The following PBX3 variants were observed in gnomAD, a reference collection of about 807,000 sequenced individuals.
The protein encoded by PBX3 is PBX homeobox 3.
Under a neutral mutation model 48.5 loss-of-function variants are expected in PBX3, and 14 were observed. The observed-to-expected ratio is 0.29, with a 90% CI of 0.19 to 0.45. PBX3 has a LOEUF of 0.45. Among genes scored for constraint, PBX3 ranks in the 20% least tolerant of loss-of-function variants. The pLI is 1.00. For synonymous variants in PBX3, 210 were observed against 200.3 expected (o/e 1.05, Z -0.41); for missense variants, 386 against 546.7 (o/e 0.71, Z 2.93).
intron 2 of PBX3, among the ~76,000 whole-genome samples, chr9:125,884,832 C>G (rs1028250383): frequency 6.6e-6 from 1 of 152,108 alleles, no homozygotes; most frequent in African/African-American, 2.4e-5. Flanking sequence ...CTTCTTTCAT[C>G]ATCTATGGGG....
At chr9:125,749,010 CTTTGTTT>C in intron 2 of PBX3, 1 of 194,830 alleles carries the variant, frequency 5.1e-6, no homozygotes, top group Non-Finnish European at 1.1e-5. Flanking sequence ...ATCGCCCGAA[CTTTGTTT>C]TACTTAGACA....
At chr9:125,876,871 A>G (rs1353191323) in intron 2 of PBX3, among the ~76,000 whole-genome samples, 1 of 142,858 alleles carries the variant, frequency 7.0e-6, no homozygotes, top group African/African-American at 2.6e-5. Flanking sequence ...TGCAACCTCT[A>G]CCTCCCAGGT....
At chr9:125,864,123 A>G (rs1839925662) in intron 2 of PBX3, among the ~76,000 whole-genome samples, 1 of 152,248 alleles carries the variant, frequency 6.6e-6, no homozygotes, top group Non-Finnish European at 1.5e-5. Context: ...AACTTCTCAG[A>G]GCATTTAAAA....
intron 2 of PBX3, among the ~76,000 whole-genome samples, chr9:125,760,667 A>G (rs1034807165): frequency 1.7e-4 from 26 of 152,212 alleles, no homozygotes; most frequent in African/African-American, 6.3e-4. Flanking sequence ...TGAACACAGC[A>G]TGATGGCACA....
chr9:125,878,353 A>G (rs957605609), intron 2 of PBX3, among the ~76,000 whole-genome samples: 5 of 152,234 alleles, frequency 3.3e-5, no homozygotes, highest in African/African-American at 1.2e-4. Flanking sequence ...TGAATAAGAA[A>G]GATGACATTT....
chr9:125,819,457 G>A (rs1465734676), intron 2 of PBX3, among the ~76,000 whole-genome samples: 1 of 151,878 alleles, frequency 6.6e-6, no homozygotes, highest in African/African-American at 2.4e-5. Flanking sequence ...CCCGGGAGGC[G>A]GAGGTTGTGG....
intron 2 of PBX3, among the ~76,000 whole-genome samples, chr9:125,854,656 C>T (rs1839673707): frequency 6.6e-6 from 1 of 152,150 alleles, no homozygotes; most frequent in Non-Finnish European, 1.5e-5. Flanking sequence ...TCAGTTGTCT[C>T]AGATTTTCCA....
chr9:125,922,551 A>G (rs2132489301), intron 3 of PBX3, among the ~76,000 whole-genome samples: 1 of 152,308 alleles, frequency 6.6e-6, no homozygotes, highest in Non-Finnish European at 1.5e-5. Context: ...CACTTGGAAA[A>G]CACAAGGCAA....
chr9:125,773,933 AACC>A, intron 2 of PBX3, among the ~76,000 whole-genome samples: 1 of 152,342 alleles, frequency 6.6e-6, no homozygotes, highest in African/African-American at 2.4e-5. Flanking sequence ...ATTGTTGTAC[AACC>A]ACCACTTCTT....
chr9:125,780,414 T>G (rs1588139021), intron 2 of PBX3, among the ~76,000 whole-genome samples: 1 of 44,170 alleles, frequency 2.3e-5, no homozygotes, highest in Non-Finnish European at 3.8e-5. Context: ...GGCGGGGGGC[T>G]GACCCCCCCC....
intron 2 of PBX3, among the ~76,000 whole-genome samples, chr9:125,892,633 C>T (rs1840676413): frequency 6.6e-6 from 1 of 152,082 alleles, no homozygotes; most frequent in African/African-American, 2.4e-5. Context: ...GTATTCTTTC[C>T]TTTTGGTATA....
intron 2 of PBX3, among the ~76,000 whole-genome samples, chr9:125,828,964 G>A (rs1425832356): frequency 6.6e-6 from 1 of 152,134 alleles, no homozygotes; most frequent in Non-Finnish European, 1.5e-5. Flanking sequence ...AAACCACATG[G>A]CGAGAATGTA....
chr9:125,753,174 A>G (rs377650335), intron 2 of PBX3, among the ~76,000 whole-genome samples: 2 of 152,264 alleles, frequency 1.3e-5, no homozygotes, highest in South Asian at 4.1e-4. Flanking sequence ...AGGTCTGCTT[A>G]TATTGGAAAT....
chr9:125,815,843 C>T (rs1391456049), intron 2 of PBX3, among the ~76,000 whole-genome samples: 3 of 152,036 alleles, frequency 2.0e-5, no homozygotes, highest in East Asian at 1.9e-4. Flanking sequence ...CTGGGAAAAC[C>T]GGCTCCTACC....
intron 2 of PBX3, among the ~76,000 whole-genome samples, chr9:125,881,198 A>G (rs1397041685): frequency 3.9e-5 from 6 of 152,234 alleles, no homozygotes; most frequent in Non-Finnish European, 7.3e-5. Flanking sequence ...ATTTACTCCA[A>G]TTAACACATA....
chr9:125,923,238 G>T (rs1186910444), intron 3 of PBX3, among the ~76,000 whole-genome samples: 1 of 152,160 alleles, frequency 6.6e-6, no homozygotes, highest in Non-Finnish European at 1.5e-5. Context: ...TTCTGGAGAG[G>T]TTAAAACCCA....
intron 2 of PBX3, among the ~76,000 whole-genome samples, chr9:125,800,033 T>A (rs1398790726): frequency 6.6e-6 from 1 of 152,202 alleles, no homozygotes; most frequent in Non-Finnish European, 1.5e-5. Flanking sequence ...TTTATGACAG[T>A]AATAATAATT....
At chr9:125,870,965 CA>C (rs894620303) in intron 2 of PBX3, among the ~76,000 whole-genome samples, 15 of 152,218 alleles carry the variant, frequency 9.9e-5, no homozygotes, top group Middle Eastern at 3.4e-3. Context: ...CATTACCTAG[CA>C]AAATTGAAGG....
chr9:125,963,836 G>A (rs1186230946), intron 8 of PBX3, among the ~76,000 whole-genome samples: 2 of 152,088 alleles, frequency 1.3e-5, no homozygotes, highest in Non-Finnish European at 2.9e-5. Context: ...TAGGGCCTTG[G>A]CTTGCTACGA....
Sources: allele counts gnomAD v4.1 joint callset (sites outside exome capture counted in the v4.1 genomes callset), GRCh38; gene constraint gnomAD v4.1.1; transcripts MANE v1.5; gene names NCBI Gene and HGNC (gene_info 2026-07-23, HGNC 2026-07-21).